ICA1L: variants seen among roughly 807,000 people sequenced by gnomAD.
ICA1L encodes the protein islet cell autoantigen 1 like, also known as islet cell autoantigen 1-like protein.
A neutral mutation model predicts 61.3 loss-of-function variants in ICA1L; 50 were observed. The ratio of observed to expected loss-of-function variants is 0.82; its 90% CI spans 0.65 to 1.03. ICA1L has a LOEUF of 1.03. Among genes scored for constraint, ICA1L ranks in the 50% least tolerant of loss-of-function variants. The pLI, the probability that ICA1L is intolerant of heterozygous loss-of-function variation, is 0.00. For missense variants in ICA1L, 508 were observed against 556.7 expected, an observed-to-expected ratio of 0.91 and a Z score of 0.88; for synonymous variants, 161 against 191.3, an observed-to-expected ratio of 0.84 and a Z score of 1.31.
At chr2:202,812,581 A>C (rs187238869) in intron 8 of ICA1L, among the ~76,000 whole-genome samples, 15 of 144,664 alleles carry the variant, frequency 1.0e-4, no homozygotes, top group African/African-American at 3.5e-4. Flanking sequence ...CGTCTCAAAC[A>C]AAAAAAAAAA....
intron 9 of ICA1L, among the ~76,000 whole-genome samples, chr2:202,808,080 C>CT (rs1693273938): frequency 6.6e-6 from 1 of 152,076 alleles, no homozygotes; most frequent in South Asian, 2.1e-4. Context: ...CTTCCTCTGC[C>CT]TGAGGTAAGG....
intron 1 of ICA1L, among the ~76,000 whole-genome samples, chr2:202,845,617 A>T (rs942949280): frequency 2.7e-5 from 4 of 149,382 alleles, no homozygotes; most frequent in Non-Finnish European, 4.5e-5. Flanking sequence ...ACAGAGCAAG[A>T]ATCTGTCTTA....
At chr2:202,852,406 T>A (rs1382937174) in intron 1 of ICA1L, among the ~76,000 whole-genome samples, 1 of 151,854 alleles carries the variant, frequency 6.6e-6, no homozygotes, top group African/African-American at 2.4e-5. Context: ...TGCGGTGGCT[T>A]ACACCTGTAA....
At chr2:202,846,710 G>A (rs1414386712) in intron 1 of ICA1L, among the ~76,000 whole-genome samples, 20 of 150,632 alleles carry the variant, frequency 1.3e-4, no homozygotes, top group Admixed American at 1.3e-3. Context: ...TCCAACACTT[G>A]CAAGCCCTTA....
rs1413984559 is a variant in ICA1L, at chr2:202,776,089, T to C, written c.*3444A>G. On this transcript the variant is annotated 3_prime_UTR_variant, in exon 13 of 13. Coordinates refer to ENST00000358299, the MANE Select transcript of ICA1L (RefSeq NM_001288622.3). ...TACATTTCTAGATGGTCTATACAGA[T>C]ACGTGAAATATTTATAGTTAAAATA... is the stretch of plus-strand genomic sequence containing the variant. The C allele has an allele frequency of 6.6e-6, 1 of 152,258 alleles. No individual in the cohort carries two copies. The highest frequency in any genetic ancestry group is 2.4e-5 in the African/African-American group (1 of 41,470). 9.4% of individuals were successfully genotyped at this position (152,258 alleles called of 1,614,324 possible).
At chr2:202,852,881 C>T (rs540098996) in intron 1 of ICA1L, among the ~76,000 whole-genome samples, 3 of 150,706 alleles carry the variant, frequency 2.0e-5, no homozygotes, top group Non-Finnish European at 3.0e-5. Context: ...TGGAACAGAA[C>T]AGAGCCCTCA....
intron 1 of ICA1L, among the ~76,000 whole-genome samples, chr2:202,829,673 T>C (rs1574361002): frequency 1.3e-5 from 2 of 152,170 alleles, no homozygotes; most frequent in East Asian, 3.8e-4. Flanking sequence ...TATGCTATAA[T>C]TTCAACTTGC....
At chr2:202,822,499 T>G (rs1266360103) in intron 3 of ICA1L, among the ~76,000 whole-genome samples, 1 of 152,098 alleles carries the variant, frequency 6.6e-6, no homozygotes, top group Non-Finnish European at 1.5e-5. Flanking sequence ...TTTACAAAGG[T>G]ATCAGTTTAC....
chr2:202,790,754 A>G (rs1009068322), intron 10 of ICA1L, among the ~76,000 whole-genome samples: 2 of 152,130 alleles, frequency 1.3e-5, no homozygotes, highest in African/African-American at 4.8e-5. Context: ...CCCTGCTAGT[A>G]AAGTGGTGGT....
At chr2:202,807,421 C>G (rs924575517) in intron 9 of ICA1L, among the ~76,000 whole-genome samples, 1 of 152,194 alleles carries the variant, frequency 6.6e-6, no homozygotes, top group Non-Finnish European at 1.5e-5. Flanking sequence ...GGCAGTTAGA[C>G]CAGCCCCAGC....
intron 11 of ICA1L, chr2:202,786,598 G>A: frequency 3.2e-6 from 1 of 311,896 alleles, no homozygotes; most frequent in South Asian, 2.9e-5. Flanking sequence ...AAAGGTATAG[G>A]AAGAAGTTCT....
At chr2:202,824,576 G>C (rs1193072024) in intron 3 of ICA1L, among the ~76,000 whole-genome samples, 2 of 152,126 alleles carry the variant, frequency 1.3e-5, no homozygotes, top group Admixed American at 6.5e-5. Context: ...TTGCATTTTA[G>C]ATATGCAGTT....
chr2:202,789,650 G>GAAACT (rs898186364), intron 10 of ICA1L, among the ~76,000 whole-genome samples: 1 of 152,064 alleles, frequency 6.6e-6, no homozygotes, highest in African/African-American at 2.4e-5. Context: ...ATTCTAAAAT[G>GAAACT]AAACTATAAA....
At chr2:202,830,742 T>A (rs908191905) in intron 1 of ICA1L, among the ~76,000 whole-genome samples, 1 of 152,094 alleles carries the variant, frequency 6.6e-6, no homozygotes, top group Non-Finnish European at 1.5e-5. Context: ...ATTTCCAAAT[T>A]ACTGGGGGTA....
intron 1 of ICA1L, among the ~76,000 whole-genome samples, chr2:202,867,553 T>G (rs1180657290): frequency 6.6e-6 from 1 of 152,230 alleles, no homozygotes; most frequent in Admixed American, 6.5e-5. Context: ...TTATTATATC[T>G]GTGGTCCATC....
intron 11 of ICA1L, among the ~76,000 whole-genome samples, chr2:202,788,069 T>C (rs905228316): frequency 2.6e-5 from 4 of 152,176 alleles, no homozygotes; most frequent in African/African-American, 9.7e-5. Context: ...TTCACTTCAG[T>C]AGGAGATAGG....
chr2:202,852,375 A>T (rs1694649646), intron 1 of ICA1L, among the ~76,000 whole-genome samples: 1 of 152,092 alleles, frequency 6.6e-6, no homozygotes, highest in African/African-American at 2.4e-5. Context: ...ACAGTGTAAA[A>T]GTGCTCCCAT....
chr2:202,859,096 C>T (rs942320374), intron 1 of ICA1L, among the ~76,000 whole-genome samples: 16 of 152,192 alleles, frequency 1.1e-4, no homozygotes, highest in African/African-American at 3.9e-4. Flanking sequence ...TTTTGTCTGT[C>T]TCCTTTCATG....
chr2:202,790,940 G>C (rs572997496), intron 10 of ICA1L, among the ~76,000 whole-genome samples: 1 of 152,308 alleles, frequency 6.6e-6, no homozygotes, highest in East Asian at 1.9e-4. Context: ...AAAACTGATG[G>C]TTCCTAATCC....
Sources: gnomAD v4.1 joint callset for allele counts (sites outside exome capture counted in the v4.1 genomes callset) on GRCh38, gnomAD v4.1.1 for gene constraint, MANE v1.5 for transcripts, NCBI Gene and HGNC (gene_info 2026-07-23, HGNC 2026-07-21) for gene names.